LMX1A: variants seen among roughly 807,000 people sequenced by gnomAD.
The protein encoded by LMX1A is LIM homeobox transcription factor 1-alpha.
LMX1A carries 15 observed loss-of-function variants against 49.1 expected under a neutral mutation model. The ratio of observed to expected loss-of-function variants is 0.31; its 90% CI spans 0.20 to 0.47. LMX1A has a LOEUF of 0.47. Ranked by LOEUF, LMX1A falls within the 20% of genes least tolerant of loss-of-function variation. The pLI, the probability that LMX1A is intolerant of heterozygous loss-of-function variation, is 1.00. For synonymous variants in LMX1A, 167 were observed against 185.7 expected, an observed-to-expected ratio of 0.90 and a Z score of 0.82; for missense variants, 372 against 475.8, an observed-to-expected ratio of 0.78 and a Z score of 2.03.
In LMX1A at chr1:165,310,841, T is replaced by C. The variant is rs192035877; in HGVS notation, c.263+42235A>G. On this transcript the variant is annotated intron_variant, in intron 3 of 8. Transcript: ENST00000342310. The stretch of plus-strand genomic sequence containing the variant: ...CATTTGCAATACAGAGGGAATGCGA[T>C]GCGGACAAGGACTTGAGAAAGTATG... Among the ~76,000 whole-genome samples, 629 of 152,344 alleles carry C rather than the reference T, an allele frequency of 4.1e-3. 3 individuals carry two copies. Among genetic ancestry groups the C allele is most frequent in the Non-Finnish European group, 5.8e-3 (394 of 68,036 alleles).
intron 4 of LMX1A, among the ~76,000 whole-genome samples, chr1:165,246,482 C>T (rs572239921): frequency 6.6e-6 from 1 of 152,270 alleles, no homozygotes; most frequent in Non-Finnish European, 1.5e-5. Context: ...ATCAATATTA[C>T]TTTCAATGAA....
Position 165,208,636 on chromosome 1 carries a change from A to G in LMX1A, c.748-504T>C, listed in dbSNP as rs1165859490. Among the ~76,000 whole-genome samples the G allele has an allele frequency of 4.6e-5, 7 of 152,128 alleles. No individual in the cohort carries two copies. The East Asian group carries it at 9.7e-4, about 21-fold the overall frequency. On this transcript the variant is annotated intron_variant, in intron 6 of 8. Coordinates refer to ENST00000342310, the MANE Select transcript of LMX1A (RefSeq NM_177398.4). ...AACACGCAAGCTTCCCTGAAGGAAT[A>G]GTTTTTTATTTTTTATTTTTGAGAC...
At chr1:165,281,195 T>A (rs142247242) in intron 3 of LMX1A, among the ~76,000 whole-genome samples, 7 of 152,084 alleles carry the variant, frequency 4.6e-5, no homozygotes, top group African/African-American at 1.4e-4. Context: ...TTTTAGTACC[T>A]CTGAGAAAAA....
At chr1:165,356,155 G>A (rs1306303855) in intron 1 of LMX1A, 200 bp downstream of exon 1, 1 of 152,412 alleles carries the variant, frequency 6.6e-6, no homozygotes, top group Admixed American at 6.5e-5. Context: ...CTCTGTTGGG[G>A]TGCGCGCAGG....
rs369558077 is a variant in LMX1A at position 165,286,152 on chromosome 1, T to G, written c.264-36512A>C. On this transcript the variant is annotated intron_variant, in intron 3 of 8. Transcript: ENST00000342310. ...TCTGTGTGAATGAACAACCTGCTAC[T>G]TAAAACCCCTGAATCTTAATTTCCT... Among the ~76,000 whole-genome samples the G allele has an allele frequency of 3.9e-5, 6 of 152,344 alleles. No homozygotes were observed. In the South Asian group the frequency reaches 1.2e-3, roughly 32 times the overall value.
chr1:165,254,796 C>T (rs1014000850), intron 3 of LMX1A, among the ~76,000 whole-genome samples: 1 of 152,212 alleles, frequency 6.6e-6, no homozygotes, highest in African/African-American at 2.4e-5. Flanking sequence ...GGCAGCCTGG[C>T]TGTGCCCTGG....
chr1:165,356,309 A>G (rs1213158870), intron 1 of LMX1A, 46 bp downstream of exon 1: 4 of 152,172 alleles, frequency 2.6e-5, no homozygotes, highest in African/African-American at 4.8e-5. Context: ...ACTTTCAGAA[A>G]CACGCCCGCC....
chr1:165,302,465 GA>G (rs200862988), intron 3 of LMX1A, among the ~76,000 whole-genome samples: 2 of 151,482 alleles, frequency 1.3e-5, no homozygotes, highest in East Asian at 1.9e-4. Flanking sequence ...TAAAATAAAG[GA>G]AAAAAAAGAA....
At chr1:165,237,521 C>G (rs1394794944) in intron 4 of LMX1A, among the ~76,000 whole-genome samples, 1 of 152,114 alleles carries the variant, frequency 6.6e-6, no homozygotes, top group Non-Finnish European at 1.5e-5. Context: ...CTGATCCCAC[C>G]TAGCACACCC....
At chr1:165,271,177 G>T (rs544838363) in intron 3 of LMX1A, among the ~76,000 whole-genome samples, 2 of 151,906 alleles carry the variant, frequency 1.3e-5, no homozygotes, top group Middle Eastern at 3.4e-3. Context: ...GGGCAAATCT[G>T]CTAAGAAAGA....
chr1:165,209,701 C>T (rs184386801), intron 6 of LMX1A, among the ~76,000 whole-genome samples: 6 of 152,290 alleles, frequency 3.9e-5, no homozygotes, highest in Non-Finnish European at 8.8e-5. Context: ...TCACATTATT[C>T]ACATCTATTG....
In LMX1A at chr1:165,203,812, G is replaced by T. The variant is rs1483879356; in HGVS notation, c.*68C>A. 1.3e-6 allele frequency: 2 copies of T among 1,528,078 alleles called. No individual in the cohort carries two copies. The highest frequency in any genetic ancestry group is 2.7e-5 in the African/African-American group (2 of 73,060). 94.7% of individuals were successfully genotyped at this position (1,528,078 alleles called of 1,614,324 possible). ...TCTTCCCTGGCCTCCCTGTCCTAAA[G>T]CCAGTGACCCCTCAAAGAATATGGT... On this transcript the variant is annotated 3_prime_UTR_variant, in exon 9 of 9. Transcript: ENST00000342310.
At chr1:165,235,674 C>T (rs892519403) in intron 4 of LMX1A, among the ~76,000 whole-genome samples, 1 of 152,082 alleles carries the variant, frequency 6.6e-6, no homozygotes, top group African/African-American at 2.4e-5. Flanking sequence ...CCTGGCCTCG[C>T]CTCCGCCCGC....
intron 3 of LMX1A, among the ~76,000 whole-genome samples, chr1:165,255,473 G>C (rs575632284): frequency 6.6e-6 from 1 of 152,286 alleles, no homozygotes; most frequent in South Asian, 2.1e-4. Context: ...AGCATGACTG[G>C]GAGAACACCA....
intron 4 of LMX1A, among the ~76,000 whole-genome samples, chr1:165,235,772 G>C (rs953791922): frequency 1.3e-5 from 2 of 152,258 alleles, no homozygotes; most frequent in East Asian, 3.9e-4. Context: ...AGAGCGGCTT[G>C]TTTACTCAGG....
chr1:165,326,954 C>T (rs1028631993), intron 3 of LMX1A, among the ~76,000 whole-genome samples: 6 of 152,184 alleles, frequency 3.9e-5, no homozygotes, highest in Admixed American at 3.9e-4. Flanking sequence ...GACACACACA[C>T]AGAACAAATA....
intron 4 of LMX1A, among the ~76,000 whole-genome samples, chr1:165,232,798 C>T (rs2102622118): frequency 6.6e-6 from 1 of 152,254 alleles, no homozygotes; most frequent in East Asian, 1.9e-4. Context: ...GGTCACACCC[C>T]AGCTGTTAGA....
At chr1:165,234,800 C>T (rs1327327600) in intron 4 of LMX1A, among the ~76,000 whole-genome samples, 1 of 152,182 alleles carries the variant, frequency 6.6e-6, no homozygotes, top group Non-Finnish European at 1.5e-5. Context: ...GGATTTTCTG[C>T]TTATTGATGT....
rs186788393 is a variant in LMX1A, at chr1:165,343,894, C to T, written c.263+9182G>A. On this transcript the variant is annotated intron_variant, in intron 3 of 8. Transcript: ENST00000342310. Reference sequence around the variant, plus strand: ...TCATTCCTTTGACTGAACACCCTTCCGGTTAAAAAGTATCTTCAGAAGAAT... The same window carrying T: ...TCATTCCTTTGACTGAACACCCTTCTGGTTAAAAAGTATCTTCAGAAGAAT... 2.6e-3 allele frequency among the ~76,000 whole-genome samples: 394 copies of T among 152,258 alleles called. 1 individual carries two copies. Among genetic ancestry groups the T allele is most frequent in the Admixed American group, 0.017 (256 of 15,298 alleles).
Sources: allele counts gnomAD v4.1 joint callset (sites outside exome capture counted in the v4.1 genomes callset), GRCh38; gene constraint gnomAD v4.1.1; transcripts MANE v1.5; gene names NCBI Gene and HGNC (gene_info 2026-07-23, HGNC 2026-07-21).